The following CXADR variants were observed in gnomAD, a reference collection of about 807,000 sequenced individuals.
The protein encoded by CXADR is CXADR cell adhesion molecule.
In CXADR, 20 loss-of-function variants were observed where a neutral mutation model predicts 40.3. That is an observed-to-expected ratio of 0.50 (90% CI 0.35 to 0.72). The LOEUF (loss-of-function observed/expected upper bound fraction) is 0.72. CXADR is among the 30% of genes least tolerant of loss of function. CXADR has a pLI of 0.01. For synonymous variants in CXADR, 150 were observed against 161.3 expected (o/e 0.93, Z 0.53); for missense variants, 332 against 449.1 (o/e 0.74, Z 2.36).
At chr21:17,524,327 C>G (rs1049261897) in intron 1 of CXADR, among the ~76,000 whole-genome samples, 5 of 151,218 alleles carry the variant, frequency 3.3e-5, no homozygotes, top group African/African-American at 1.2e-4. Context: ...TGTGGGAGGC[C>G]GAAGCAGGCG....
intron 1 of CXADR, among the ~76,000 whole-genome samples, chr21:17,530,184 A>G (rs1239744854): frequency 7.1e-6 from 1 of 141,410 alleles, no homozygotes; most frequent in African/African-American, 2.6e-5. Context: ...CTGGTCTCCA[A>G]CTCTTGACCT....
chr21:17,538,573 AG>A (rs1047673038), intron 1 of CXADR, among the ~76,000 whole-genome samples: 1 of 152,132 alleles, frequency 6.6e-6, no homozygotes, highest in African/African-American at 2.4e-5. Flanking sequence ...TGGGAGGCTG[AG>A]GTGGGAGGAT....
intron 3 of CXADR, among the ~76,000 whole-genome samples, chr21:17,556,428 A>T (rs2061037328): frequency 6.6e-6 from 1 of 152,026 alleles, no homozygotes; most frequent in African/African-American, 2.4e-5. Flanking sequence ...TTAAATAACT[A>T]TCCGTTATTA....
intron 1 of CXADR, among the ~76,000 whole-genome samples, chr21:17,546,276 C>T (rs2060895666): frequency 6.6e-6 from 1 of 152,136 alleles, no homozygotes; most frequent in Non-Finnish European, 1.5e-5. Context: ...TGACTTAGTT[C>T]CCTGTGTGTT....
chr21:17,544,675 C>T (rs185241994), intron 1 of CXADR, among the ~76,000 whole-genome samples: 2 of 152,296 alleles, frequency 1.3e-5, no homozygotes, highest in East Asian at 3.9e-4. Flanking sequence ...CGGAACTACA[C>T]AGGTCATTCC....
intron 7 of CXADR, chr21:17,593,132 C>CTCTT: frequency 7.1e-7 from 1 of 1,398,610 alleles, no homozygotes; most frequent in Non-Finnish European, 9.4e-7. Flanking sequence ...ATAGAGATAT[C>CTCTT]TCTTTTTTTC....
chr21:17,611,074 T>TAC, the CXADR span, among the ~76,000 whole-genome samples: 1 of 152,188 alleles, frequency 6.6e-6, no homozygotes, highest in East Asian at 1.9e-4. Flanking sequence ...CACACGAGTG[T>TAC]ACACGTATAC....
At chr21:17,610,880 A>T in the CXADR span, among the ~76,000 whole-genome samples, 1 of 152,302 alleles carries the variant, frequency 6.6e-6, no homozygotes, top group East Asian at 1.9e-4. Flanking sequence ...TGACTCCTTT[A>T]TTCCAAGTGC....
chr21:17,517,584 G>A (rs1470642030), intron 1 of CXADR, among the ~76,000 whole-genome samples: 7 of 152,202 alleles, frequency 4.6e-5, no homozygotes, highest in African/African-American at 1.7e-4. Flanking sequence ...AGAACAGCTA[G>A]GATACAGGAT....
chr21:17,547,008 T>C lies in CXADR; in HGVS notation c.44-19T>C. On this transcript the variant is annotated intron_variant, in intron 1 of 6. Coordinates refer to ENST00000284878, the MANE Select transcript of CXADR (RefSeq NM_001338.5). ...AGCGTATAGCAAATGCTTAGTCCCT[T>C]GTACATTTCTTTCTCTAGATTTCGC... 6.2e-7 allele frequency: 1 copy of C among 1,611,750 alleles called. No individual in the cohort carries two copies. The highest frequency in any genetic ancestry group is 8.5e-7 in the Non-Finnish European group (1 of 1,179,666).
intron 1 of CXADR, among the ~76,000 whole-genome samples, chr21:17,519,257 G>T (rs557723387): frequency 1.3e-4 from 20 of 152,210 alleles, no homozygotes; most frequent in Non-Finnish European, 2.1e-4. Context: ...TGCAGTCCCT[G>T]CATGGTCTTG....
rs751201027 is a variant in CXADR at position 17,567,641 on chromosome 21, T to G, written c.*1949T>G. 1.2e-5 allele frequency: 12 copies of G among 983,372 alleles called. No individual in the cohort carries two copies. Among genetic ancestry groups the G allele is most frequent in the Non-Finnish European group, 1.4e-5 (12 of 828,130 alleles). The allele number at this position is 983,372 out of a possible 1,614,324, so 60.9% of individuals were successfully genotyped here. On this transcript the variant is annotated 3_prime_UTR_variant, in exon 7 of 7. Transcript: ENST00000284878. ...TTTCAATATTCCCAACACTCTATGT[T>G]TCTGATTTTATAACAGTAGCCATTT...
intron 1 of CXADR, among the ~76,000 whole-genome samples, chr21:17,532,340 C>T (rs1477413426): frequency 1.3e-5 from 2 of 152,136 alleles, no homozygotes; most frequent in African/African-American, 2.4e-5. Context: ...TTCCTTTTGA[C>T]TTATAAATGT....
intron 1 of CXADR, among the ~76,000 whole-genome samples, chr21:17,524,214 C>T (rs1277505629): frequency 1.3e-5 from 2 of 151,926 alleles, no homozygotes; most frequent in African/African-American, 2.4e-5. Context: ...TCTTCTGTGC[C>T]TTCCCATTTG....
At chr21:17,576,698 G>A (rs1372786921) in intron 7 of CXADR, 1 of 151,168 alleles carries the variant, frequency 6.6e-6, no homozygotes, top group Non-Finnish European at 1.5e-5. Context: ...GATTTTTACA[G>A]TAACTCGGAA....
chr21:17,583,846 G>A (rs1204958247), intron 7 of CXADR, among the ~76,000 whole-genome samples: 1 of 152,174 alleles, frequency 6.6e-6, no homozygotes, highest in African/African-American at 2.4e-5. Flanking sequence ...ACCTCATTAT[G>A]ATCTGGTCCC....
chr21:17,591,810 C>CTTAA (rs2061437917), intron 7 of CXADR, among the ~76,000 whole-genome samples: 1 of 151,684 alleles, frequency 6.6e-6, no homozygotes. Flanking sequence ...GGGAGACAAA[C>CTTAA]TTAAGAGAAC....
chr21:17,534,171 G>T (rs1372334690), intron 1 of CXADR, among the ~76,000 whole-genome samples: 5 of 134,562 alleles, frequency 3.7e-5, no homozygotes, highest in Non-Finnish European at 6.1e-5. Flanking sequence ...GCAGTGGCGC[G>T]ATCTTGGCTC....
the CXADR span, chr21:17,604,170 G>C: frequency 3.1e-6 from 4 of 1,274,208 alleles, no homozygotes; most frequent in Non-Finnish European, 3.1e-6. Context: ...GAGGCCGGGC[G>C]CAGTGGCTCA....
Sources: gnomAD v4.1 joint callset for allele counts (sites outside exome capture counted in the v4.1 genomes callset) on GRCh38, gnomAD v4.1.1 for gene constraint, MANE v1.5 for transcripts, NCBI Gene and HGNC (gene_info 2026-07-23, HGNC 2026-07-21) for gene names.